Variants in NTNG1 observed in about 807,000 individuals in gnomAD.
The protein encoded by NTNG1 is netrin-G1.
In NTNG1, 16 loss-of-function variants were observed where a neutral mutation model predicts 54.0. That is an observed-to-expected ratio of 0.30 (90% confidence interval 0.20 to 0.45). The LOEUF is 0.45. NTNG1 is among the 20% of genes least tolerant of loss of function. The pLI is 1.00. For missense variants in NTNG1, 530 were observed against 678.7 expected, an observed-to-expected ratio of 0.78 and a Z score of 2.43; for synonymous variants, 255 against 263.1, an observed-to-expected ratio of 0.97 and a Z score of 0.30.
At chr1:107,406,785 C>G (rs915068417) in intron 4 of NTNG1, among the ~76,000 whole-genome samples, 1 of 152,054 alleles carries the variant, frequency 6.6e-6, no homozygotes, top group African/African-American at 2.4e-5. Flanking sequence ...CTTGCAGCAA[C>G]CCTAAGAGGT....
intron 3 of NTNG1, among the ~76,000 whole-genome samples, chr1:107,338,126 A>G (rs904939115): frequency 6.6e-6 from 1 of 151,960 alleles, no homozygotes; most frequent in Admixed American, 6.6e-5. Context: ...AGAGTGTGTT[A>G]CCATCTGTGC....
At chr1:107,477,400 C>T (rs1409001280) in intron 7 of NTNG1, among the ~76,000 whole-genome samples, 3 of 152,234 alleles carry the variant, frequency 2.0e-5, no homozygotes, top group Non-Finnish European at 4.4e-5. Flanking sequence ...CAGGATCTTC[C>T]ATGCCTCCTA....
intron 2 of NTNG1, among the ~76,000 whole-genome samples, chr1:107,224,075 T>C (rs922125001): frequency 9.9e-5 from 15 of 152,220 alleles, no homozygotes; most frequent in African/African-American, 3.4e-4. Flanking sequence ...CTTCTTCTCA[T>C]TCCTAAAGGC....
Position 107,331,815 on chromosome 1 carries a change from A to T in NTNG1, c.887+6893A>T, listed in dbSNP as rs569816851. Among the ~76,000 whole-genome samples, 193 of 152,178 alleles carry T rather than the reference A, an allele frequency of 1.3e-3. 1 individual carries two copies. Among genetic ancestry groups the T allele is most frequent in the African/African-American group, 4.5e-3 (188 of 41,560 alleles). ...TTTGAATAAGTGTGCTGCCTCTTTC[A>T]TATAATAAAATTTCATAAATTTTTA... On this transcript the variant is annotated intron_variant, in intron 3 of 7. Transcript: ENST00000370068.
chr1:107,421,696 G>A (rs1432533314), intron 5 of NTNG1, among the ~76,000 whole-genome samples: 1 of 152,074 alleles, frequency 6.6e-6, no homozygotes, highest in East Asian at 1.9e-4. Flanking sequence ...ATGAAAGTGA[G>A]CAGCATCTCA....
rs1674658625 is a variant in NTNG1, at chr1:107,422,827, A to G, written c.1088-7923A>G. Among the ~76,000 whole-genome samples, 3 of 152,138 alleles carry G rather than the reference A, an allele frequency of 2.0e-5. No individual in the cohort carries two copies. The South Asian group carries it at 6.2e-4, about 31-fold the overall frequency. ...GGCCAAAAAAAAATCTACCTGTTCT[A>G]ATTGTGCCACATTCATTGTATTTTA... is the stretch of plus-strand genomic sequence containing the variant. On this transcript the variant is annotated intron_variant, in intron 5 of 7. Transcript: ENST00000370068.
At chr1:107,454,650 A>G (rs1676826337) in intron 7 of NTNG1, among the ~76,000 whole-genome samples, 3 of 152,328 alleles carry the variant, frequency 2.0e-5, no homozygotes, top group African/African-American at 7.2e-5. Flanking sequence ...CACTTCACTA[A>G]TTAATACCCA....
intron 5 of NTNG1, among the ~76,000 whole-genome samples, chr1:107,420,159 C>T (rs1188468006): frequency 6.6e-6 from 1 of 152,028 alleles, no homozygotes; most frequent in Non-Finnish European, 1.5e-5. Context: ...TGTTCAAAAC[C>T]TGAAATAGGC....
At chr1:107,478,048 T>C (rs1214302624) in intron 7 of NTNG1, among the ~76,000 whole-genome samples, 1 of 152,218 alleles carries the variant, frequency 6.6e-6, no homozygotes, top group Non-Finnish European at 1.5e-5. Context: ...CTCAGTGATA[T>C]TTGTTAACCA....
intron 3 of NTNG1, among the ~76,000 whole-genome samples, chr1:107,347,867 G>A (rs1008321900): frequency 2.0e-5 from 3 of 152,030 alleles, no homozygotes; most frequent in Non-Finnish European, 4.4e-5. Context: ...ATCAGATCTC[G>A]TGAGAACTCC....
chr1:107,214,875 A>G (rs760338435), intron 2 of NTNG1, among the ~76,000 whole-genome samples: 5 of 151,386 alleles, frequency 3.3e-5, no homozygotes, highest in Non-Finnish European at 5.9e-5. Flanking sequence ...CATTTCTCTC[A>G]TCATTAGTGA....
intron 2 of NTNG1, among the ~76,000 whole-genome samples, chr1:107,282,634 C>T (rs1161299096): frequency 6.6e-6 from 1 of 152,092 alleles, no homozygotes; most frequent in Non-Finnish European, 1.5e-5. Flanking sequence ...AAGGCCTGCC[C>T]ACATTATAGC....
At chr1:107,214,173 A>T (rs1382062765) in intron 2 of NTNG1, among the ~76,000 whole-genome samples, 1 of 152,044 alleles carries the variant, frequency 6.6e-6, no homozygotes, top group Non-Finnish European at 1.5e-5. Context: ...GTTTGGTTAC[A>T]TGAATAAGTT....
chr1:107,160,704 T>C (rs1334920381), intron 2 of NTNG1, among the ~76,000 whole-genome samples: 3 of 152,300 alleles, frequency 2.0e-5, no homozygotes, highest in Non-Finnish European at 4.4e-5. Context: ...TGCATGCCTC[T>C]CTAACCTCCA....
In NTNG1 at chr1:107,324,344, T is replaced by A. The variant is rs770833141; in HGVS notation, c.309T>A (p.Pro103=). The change falls in exon 3 of 8, where the codon CCT becomes CCA. Residue 103 remains proline (P), a synonymous_variant. Transcript: ENST00000370068. The part of the protein sequence containing the change: ...DASTPELAHP[P]ELMFDFEGRH... ...GTACCCCTGAGCTGGCACACCCCCCTGAGCTGATGTTTGATTTTGAAGGAA... is the reference window on the plus strand; with the variant it reads ...GTACCCCTGAGCTGGCACACCCCCCAGAGCTGATGTTTGATTTTGAAGGAA... 12 of 1,613,798 alleles carry A rather than the reference T, an allele frequency of 7.4e-6. No homozygotes were observed. Among genetic ancestry groups the A allele is most frequent in the Non-Finnish European group, 9.3e-6 (11 of 1,179,778 alleles).
chr1:107,324,841 C>T lies in NTNG1; in HGVS notation c.806C>T (p.Pro269Leu). Residue 269 changes from proline to leucine, a missense_variant, in exon 3 of 8, where the codon CCA (proline) becomes CTA (leucine). Coordinates refer to ENST00000370068, the MANE Select transcript of NTNG1 (RefSeq NM_001113226.3). ...GACCTGAGGATAAGGCTGTTAAGAC[C>T]AGCCGTTGGGGAAATATTTGTAGAT... ...VTDLRIRLLRPAVGEIFVDEL... is the reference protein window; with the variant it reads ...VTDLRIRLLRLAVGEIFVDEL... 6.2e-7 allele frequency: 1 copy of T among 1,613,460 alleles called. No homozygotes were observed. The highest frequency in any genetic ancestry group is 1.3e-5 in the African/African-American group (1 of 74,950).
intron 5 of NTNG1, among the ~76,000 whole-genome samples, chr1:107,415,822 G>A (rs1674160709): frequency 6.6e-6 from 1 of 152,122 alleles, no homozygotes; most frequent in Non-Finnish European, 1.5e-5. Flanking sequence ...GGAATTGGAT[G>A]TGATAAGATA....
At chr1:107,294,736 A>G (rs1409091294) in intron 2 of NTNG1, among the ~76,000 whole-genome samples, 1 of 152,158 alleles carries the variant, frequency 6.6e-6, no homozygotes. Context: ...TACAGAGATT[A>G]GTGAGAGTTT....
At chr1:107,200,541 C>A (rs950640459) in intron 2 of NTNG1, among the ~76,000 whole-genome samples, 89 of 151,682 alleles carry the variant, frequency 5.9e-4, no homozygotes, top group African/African-American at 2.1e-3. Context: ...CCAAATCATT[C>A]TCCCTTCTTG....
Sources: allele counts gnomAD v4.1 joint callset (sites outside exome capture counted in the v4.1 genomes callset), GRCh38; gene constraint gnomAD v4.1.1; transcripts MANE v1.5; gene names NCBI Gene and HGNC (gene_info 2026-07-23, HGNC 2026-07-21).